FPGT: variants seen among roughly 807,000 people sequenced by gnomAD.
FPGT encodes GDP-L-fucose diphosphorylase.
In FPGT, 41 loss-of-function variants were observed where a neutral mutation model predicts 45.8. The ratio of observed to expected loss-of-function variants is 0.90; its 90% CI spans 0.70 to 1.16. The LOEUF is 1.16. Ranked by LOEUF, FPGT falls within the 50% of genes most tolerant of loss-of-function variation. The pLI, the probability that FPGT is intolerant of heterozygous loss-of-function variation, is 0.00. For missense variants in FPGT, 755 were observed against 689.1 expected (o/e 1.10, Z -1.07); for synonymous variants, 292 against 247.2 (o/e 1.18, Z -1.70).
chr1:74,204,313 G>T, intron 3 of FPGT, 78 bp from the exon 4 acceptor site: 2 of 956,224 alleles, frequency 2.1e-6, no homozygotes, highest in Non-Finnish European at 3.0e-6. Context: ...TAACTTATGG[G>T]TTATAAAACC....
chr1:74,199,615 A>G, intron 1 of FPGT, 49 bp from the exon 2 acceptor site: 3 of 1,584,884 alleles, frequency 1.9e-6, no homozygotes, highest in Non-Finnish European at 2.6e-6. Context: ...TGTGGCAACT[A>G]GAAAATTCTG....
intron 2 of FPGT, among the ~76,000 whole-genome samples, chr1:74,200,497 C>CTTTTTT (rs202228945): frequency 1.1e-4 from 12 of 106,566 alleles, no homozygotes; most frequent in African/African-American, 3.0e-4. Context: ...GTTATTATTT[C>CTTTTTT]TTTTTTTTTT....
Position 74,204,392 on chromosome 1 carries a change from T to C in FPGT, c.345T>C (p.Gly115=), listed in dbSNP as rs1652080748. Residue 115 remains glycine, a splice_region_variant and synonymous_variant, in exon 4 of 4, where the codon GGT becomes GGC. Coordinates refer to ENST00000370898, the MANE Select transcript of FPGT (RefSeq NM_003838.5). Reference sequence around the variant, plus strand: ...GGTTATTTCGTTTTAATTTTATAGGTGGCTACAGTCAACGACTTCCAAATG... The same window carrying C: ...GGTTATTTCGTTTTAATTTTATAGGCGGCTACAGTCAACGACTTCCAAATG... ...NSFTILLIHS[G]GYSQRLPNAS... is the part of the protein sequence containing the mutation. 6.4e-7 allele frequency: 1 copy of C among 1,553,510 alleles called. No individual in the cohort carries two copies. Among genetic ancestry groups the C allele is most frequent in the Non-Finnish European group, 8.7e-7 (1 of 1,153,624 alleles).
At position 74,207,437 on chromosome 1, in the gene FPGT, C is replaced by G. The variant is rs35920753; in HGVS notation, c.*1605C>G. ...ATATGTCCACCTAGTACCATCTTCT[C>G]TGCTTTCAGAATTATTGGTAAGGCT... On this transcript the variant is annotated 3_prime_UTR_variant, in exon 4 of 4. Transcript: ENST00000370898. Among the ~76,000 whole-genome samples, 62,757 of 151,870 alleles carry G rather than the reference C, an allele frequency of 0.41. 14,399 individuals are homozygous for G. The highest frequency in any genetic ancestry group is 0.74 in the East Asian group (3,787 of 5,146).
In FPGT at chr1:74,207,687, A is replaced by G. The variant is rs201768624; in HGVS notation, c.*1855A>G. Among the ~76,000 whole-genome samples, 1 of 5,768 alleles carries G rather than the reference A, an allele frequency of 1.7e-4. No homozygotes were observed. Among genetic ancestry groups the G allele is most frequent in the Non-Finnish European group, 2.1e-3 (1 of 484 alleles). The allele number at this position is 5,768 out of a possible 152,430, so 3.8% of individuals were successfully genotyped here. The stretch of plus-strand genomic sequence containing the variant: ...TATTAACATGTCAATATGAAAATTA[A>G]TTGTTTGGTAAACCAGAAGTGACCT... On this transcript the variant is annotated 3_prime_UTR_variant, in exon 4 of 4. Transcript: ENST00000370898.
At position 74,204,671 on chromosome 1, in the gene FPGT, A is replaced by G. The variant is rs755472590; in HGVS notation, c.624A>G (p.Leu208=). Residue 208 remains leucine, a synonymous_variant, in exon 4 of 4, where the codon TTA becomes TTG. Coordinates refer to ENST00000370898, the MANE Select transcript of FPGT (RefSeq NM_003838.5). ...TIGTTHGVFV[L]DPFDDLKHRD... is the part of the protein sequence containing the mutation. ...GTACCACACATGGAGTATTTGTCTTAGATCCTTTTGATGATTTAAAACATA... is the reference window on the plus strand; with the variant it reads ...GTACCACACATGGAGTATTTGTCTTGGATCCTTTTGATGATTTAAAACATA... 3.7e-6 allele frequency: 6 copies of G among 1,613,246 alleles called. No individual in the cohort carries two copies. The highest frequency in any genetic ancestry group is 5.1e-6 in the Non-Finnish European group (6 of 1,179,318).
In FPGT at chr1:74,206,280, A is replaced by T. The variant is rs989522567; in HGVS notation, c.*448A>T. 2.6e-5 allele frequency: 4 copies of T among 152,548 alleles called. No individual in the cohort carries two copies. Among genetic ancestry groups the T allele is most frequent in the Non-Finnish European group, 5.9e-5 (4 of 68,320 alleles). The allele number at this position is 152,548 out of a possible 1,614,324, so 9.4% of individuals were successfully genotyped here. Reference sequence around the variant, plus strand: ...AGAGTAGTGTAGGAATACTGTAGAAATACTTTTTCAGAAACGAATCCATAG... The same window carrying T: ...AGAGTAGTGTAGGAATACTGTAGAATTACTTTTTCAGAAACGAATCCATAG... On this transcript the variant is annotated 3_prime_UTR_variant, in exon 4 of 4. Transcript: ENST00000370898.
In FPGT at chr1:74,204,591, A is replaced by G; in HGVS notation, c.544A>G (p.Arg182Gly). Residue 182 changes from arginine to glycine, a missense_variant, in exon 4 of 4, where the codon AGG becomes GGG. By Grantham distance (125) the Arg-to-Gly change is moderately radical. Coordinates refer to ENST00000370898, the MANE Select transcript of FPGT (RefSeq NM_003838.5). Reference protein sequence around the residue: ...LYSIGEFEFIRFDKPGFTALA... With the variant: ...LYSIGEFEFIGFDKPGFTALA... ...TAGTATTGGAGAATTTGAGTTTATTAGGTTTGACAAACCTGGCTTTACTGC... is the reference window on the plus strand; with the variant it reads ...TAGTATTGGAGAATTTGAGTTTATTGGGTTTGACAAACCTGGCTTTACTGC... 1 of 1,613,114 alleles carries G rather than the reference A, an allele frequency of 6.2e-7. No homozygotes were observed. The highest frequency in any genetic ancestry group is 8.5e-7 in the Non-Finnish European group (1 of 1,179,142).
chr1:74,205,474 A>T lies in FPGT; in HGVS notation c.1427A>T (p.Asn476Ile). 1 of 1,613,826 alleles carries T rather than the reference A, an allele frequency of 6.2e-7. No homozygotes were observed. Among genetic ancestry groups the T allele is most frequent in the Non-Finnish European group, 8.5e-7 (1 of 1,179,674 alleles). Reference sequence around the variant, plus strand: ...ACTATGGCATTTGGAGTGCAAGACAACTTGAAAAAGAGTGTGAAAACATTG... The same window carrying T: ...ACTATGGCATTTGGAGTGCAAGACATCTTGAAAAAGAGTGTGAAAACATTG... ...YATMAFGVQDNLKKSVKTLSD... is the reference protein window; with the variant it reads ...YATMAFGVQDILKKSVKTLSD... The change falls in exon 4 of 4, where the codon AAC becomes ATC. Residue 476 changes from asparagine (N) to isoleucine (I), a missense_variant. Physicochemically the swap from Asn to Ile is moderately radical, Grantham distance 149. Transcript: ENST00000370898.
chr1:74,204,862 G>A lies in FPGT; in HGVS notation c.815G>A (p.Ser272Asn), dbSNP rs1299416616. 2 of 1,613,494 alleles carry A rather than the reference G, an allele frequency of 1.2e-6. No homozygotes were observed. The highest frequency in any genetic ancestry group is 1.3e-5 in the African/African-American group (1 of 74,872). ...GACTCTGACTATGTCTACACAGATA[G>A]CCTATTTTATATGGATCATAAATCA... ...KLDSDYVYTD[S>N]LFYMDHKSAK... The change falls in exon 4 of 4, where the codon AGC becomes AAC. Residue 272 changes from serine (S) to asparagine (N), a missense_variant. Coordinates refer to ENST00000370898, the MANE Select transcript of FPGT (RefSeq NM_003838.5).
intron 2 of FPGT, 44 bp downstream of exon 2, chr1:74,199,875 A>G: frequency 6.3e-7 from 1 of 1,576,006 alleles, no homozygotes; most frequent in Non-Finnish European, 8.6e-7. Context: ...TCCTAAGCAG[A>G]ATAATCATTG....
rs546365945 is a variant in FPGT, at chr1:74,208,219, A to G, written c.*2387A>G. Among the ~76,000 whole-genome samples, 6 of 151,864 alleles carry G rather than the reference A, an allele frequency of 4.0e-5. No individual in the cohort carries two copies. In the South Asian group the frequency reaches 1.2e-3, roughly 31 times the overall value. On this transcript the variant is annotated 3_prime_UTR_variant, in exon 4 of 4. Transcript: ENST00000370898. ...CTAACCTAAGTATGTGTTTTAATAA[A>G]AGGATCTAGGCAAAAAAAAAAAAAG...
rs756769942 is a variant in FPGT, at chr1:74,198,256, G to C, written c.-23G>C. On this transcript the variant is annotated 5_prime_UTR_variant, in exon 1 of 4. Transcript: ENST00000370898. ...CCAGGGCGCATGCGTGCTGTGCGGC[G>C]CGGTCTCAGGGAAGGTGGGGCTATG... The C allele has an allele frequency of 6.2e-7, 1 of 1,611,856 alleles. No homozygotes were observed. The highest frequency in any genetic ancestry group is 1.3e-5 in the African/African-American group (1 of 74,878).
chr1:74,205,617 A>T lies in FPGT; in HGVS notation c.1570A>T (p.Thr524Ser), dbSNP rs1300934851. 1 of 1,612,760 alleles carries T rather than the reference A, an allele frequency of 6.2e-7. No individual in the cohort carries two copies. Among genetic ancestry groups the T allele is most frequent in the Non-Finnish European group, 8.5e-7 (1 of 1,178,764 alleles). The change falls in exon 4 of 4, where the codon ACT (threonine) becomes TCT (serine). Residue 524 changes from threonine (T) to serine (S), a missense_variant. By Grantham distance (58) the Thr-to-Ser change is moderately conservative (BLOSUM62 1). Coordinates refer to ENST00000370898, the MANE Select transcript of FPGT (RefSeq NM_003838.5). ...TAACAAGACATGTCTGAGTTTGTGG[A>T]CTGCACGCATTTTCCCAGTTTGTTC... Reference protein sequence around the residue: ...SGNKTCLSLWTARIFPVCSSL... With the variant: ...SGNKTCLSLWSARIFPVCSSL...
chr1:74,201,332 A>G lies in FPGT; in HGVS notation c.265A>G (p.Thr89Ala), dbSNP rs772819193. 1.9e-6 allele frequency: 3 copies of G among 1,610,356 alleles called. No individual in the cohort carries two copies. Among genetic ancestry groups the G allele is most frequent in the Non-Finnish European group, 2.5e-6 (3 of 1,178,944 alleles). ...AGAKIGNGGS[T>A]LCALQCLEKL... Reference sequence around the variant, plus strand: ...TTGTTTTTAAGGAAATGGAGGATCAACACTTTGTGCCCTTCAATGTTTGGA... The same window carrying G: ...TTGTTTTTAAGGAAATGGAGGATCAGCACTTTGTGCCCTTCAATGTTTGGA... Residue 89 changes from threonine (T) to alanine (A), a missense_variant, in exon 3 of 4, where the codon ACA becomes GCA. Coordinates refer to ENST00000370898, the MANE Select transcript of FPGT (RefSeq NM_003838.5).
Position 74,205,185 on chromosome 1 carries a change from G to T in FPGT, c.1138G>T (p.Gly380Cys). 6.2e-7 allele frequency: 1 copy of T among 1,613,834 alleles called. No homozygotes were observed. Among genetic ancestry groups the T allele is most frequent in the East Asian group, 2.2e-5 (1 of 44,872 alleles). ...TSDNSLKSEL[G>C]LQSITFSIFP... ...AGATAACAGTTTAAAGTCAGAGCTC[G>T]GCTTACAGTCCATAACTTTTAGTAT... The change falls in exon 4 of 4, where the codon GGC (glycine) becomes TGC (cysteine). Residue 380 changes from glycine (G) to cysteine (C), a missense_variant. Physicochemically the swap from Gly to Cys is radical, Grantham distance 159. Transcript: ENST00000370898.
chr1:74,198,483 C>A (rs1251480759), intron 1 of FPGT, 123 bp downstream of exon 1: 6 of 1,343,940 alleles, frequency 4.5e-6, no homozygotes, highest in Non-Finnish European at 5.2e-6. Flanking sequence ...TGACGCTCCC[C>A]AGGAGTAGCT....
At position 74,207,113 on chromosome 1, in the gene FPGT, T is replaced by A. The variant is rs1652343640; in HGVS notation, c.*1281T>A. ...TTCAGAGGATGTTATGTCTTTGTCA[T>A]TCATTAAATGTTCAAAATTGTAGTT... On this transcript the variant is annotated 3_prime_UTR_variant, in exon 4 of 4. Transcript: ENST00000370898. The A allele has an allele frequency of 6.6e-6, 1 of 152,050 alleles. No individual in the cohort carries two copies. The highest frequency in any genetic ancestry group is 2.1e-4 in the South Asian group (1 of 4,834). 9.4% of individuals were successfully genotyped at this position (152,050 alleles called of 1,614,324 possible).
rs1570319002 is a variant in FPGT at position 74,205,072 on chromosome 1, A to G, written c.1025A>G (p.Lys342Arg). The G allele has an allele frequency of 1.2e-6, 2 of 1,613,366 alleles. No homozygotes were observed. Among genetic ancestry groups the G allele is most frequent in the Non-Finnish European group, 1.7e-6 (2 of 1,179,390 alleles). Residue 342 changes from lysine (K) to arginine (R), a missense_variant, in exon 4 of 4, where the codon AAA becomes AGA. Lys to Arg is a conservative substitution (Grantham distance 26). Transcript: ENST00000370898. ...AGGCAGAGAATATTTCATCTTCTTA[A>G]AGGAACATCACTAAATGTTGTTGTT... ...EMRQRIFHLL[K>R]GTSLNVVVLN...
Sources: allele counts gnomAD v4.1 joint callset (sites outside exome capture counted in the v4.1 genomes callset), GRCh38; gene constraint gnomAD v4.1.1; transcripts MANE v1.5; gene names NCBI Gene and HGNC (gene_info 2026-07-23, HGNC 2026-07-21).